MGAT4C: variants seen among roughly 807,000 people sequenced by gnomAD.
MGAT4C encodes alpha-1,3-mannosyl-glycoprotein 4-beta-N-acetylglucosaminyltransferase C.
A neutral mutation model predicts 40.1 loss-of-function variants in MGAT4C; 19 were observed. That is an observed-to-expected ratio of 0.47 (90% confidence interval 0.33 to 0.70). The LOEUF is 0.70. MGAT4C is among the 30% of genes least tolerant of loss of function. The probability of loss-of-function intolerance (pLI) is 0.02; values close to 1 mark genes in which losing one functional copy is unlikely to be tolerated. For missense variants in MGAT4C, 491 were observed against 563.2 expected, an observed-to-expected ratio of 0.87 and a Z score of 1.30; for synonymous variants, 181 against 187.1, an observed-to-expected ratio of 0.97 and a Z score of 0.27.
intron 2 of MGAT4C, among the ~76,000 whole-genome samples, chr12:86,532,331 A>G (rs1182242890): frequency 6.6e-6 from 1 of 152,006 alleles, no homozygotes; most frequent in East Asian, 1.9e-4. Flanking sequence ...ATCTAAGAAA[A>G]ATGAATTCAA....
intron 1 of MGAT4C, among the ~76,000 whole-genome samples, chr12:86,079,203 C>A (rs1339170899): frequency 6.6e-6 from 1 of 152,016 alleles, no homozygotes; most frequent in Admixed American, 6.6e-5. Flanking sequence ...GTAGTCAAAT[C>A]CTGGCATAGA....
chr12:86,604,313 C>T (rs149169102), intron 2 of MGAT4C, among the ~76,000 whole-genome samples: 1 of 152,068 alleles, frequency 6.6e-6, no homozygotes, highest in African/African-American at 2.4e-5. Flanking sequence ...CTAAAATTCT[C>T]AGGAAGGATG....
rs7132796 is a variant in MGAT4C, at chr12:86,572,464, T to C, written c.-228-137199A>G. Among the ~76,000 whole-genome samples, 963 of 152,188 alleles carry C rather than the reference T, an allele frequency of 6.3e-3. 10 individuals carry two copies. The highest frequency in any genetic ancestry group is 0.022 in the African/African-American group (919 of 41,542). On this transcript the variant is annotated intron_variant, in intron 2 of 7. Transcript: ENST00000548651. ...ACATAACCCTGATTTTATCACTCCA[T>C]TGCTAAAAATCTTTTAAGGATGCTA...
chr12:86,018,499 A>G (rs1889320937), intron 2 of MGAT4C, among the ~76,000 whole-genome samples: 1 of 152,154 alleles, frequency 6.6e-6, no homozygotes, highest in Non-Finnish European at 1.5e-5. Context: ...GTTTTGTGGA[A>G]GGCTGCATAT....
intron 2 of MGAT4C, among the ~76,000 whole-genome samples, chr12:86,509,201 G>A (rs1232176764): frequency 1.4e-4 from 21 of 152,156 alleles, no homozygotes; most frequent in East Asian, 7.7e-4. Context: ...GAGGTCTAAC[G>A]TTTAAGTCTT....
At chr12:86,792,481 T>C (rs1278340778) in intron 1 of MGAT4C, among the ~76,000 whole-genome samples, 1 of 152,118 alleles carries the variant, frequency 6.6e-6, no homozygotes, top group Non-Finnish European at 1.5e-5. Flanking sequence ...CCAGCTAACA[T>C]ATACTCCTAG....
chr12:86,223,415 C>T (rs1033450785), intron 1 of MGAT4C, among the ~76,000 whole-genome samples: 6 of 152,154 alleles, frequency 3.9e-5, no homozygotes, highest in Non-Finnish European at 2.9e-5. Context: ...GGAGGCCAGG[C>T]ACTTTCACAC....
intron 2 of MGAT4C, among the ~76,000 whole-genome samples, chr12:86,009,852 T>G (rs1408194898): frequency 6.6e-6 from 1 of 152,216 alleles, no homozygotes; most frequent in Non-Finnish European, 1.5e-5. Flanking sequence ...CTACCTGGTT[T>G]TCTTTCCATT....
chr12:86,400,129 T>C (rs940862229), intron 3 of MGAT4C, among the ~76,000 whole-genome samples: 7 of 152,168 alleles, frequency 4.6e-5, no homozygotes, highest in East Asian at 3.9e-4. Context: ...TGCTGCAGAA[T>C]TGACTGCATG....
At chr12:86,207,383 C>A (rs4456335) in intron 1 of MGAT4C, among the ~76,000 whole-genome samples, 12,156 of 151,964 alleles carry the variant, frequency 0.08, 602 homozygotes, top group Middle Eastern at 0.22. Flanking sequence ...ATCAACCTGT[C>A]ATTTAGGTTT....
At chr12:86,479,305 A>G (rs184354246) in intron 2 of MGAT4C, among the ~76,000 whole-genome samples, 83 of 152,168 alleles carry the variant, frequency 5.5e-4, no homozygotes, top group African/African-American at 1.8e-3. Context: ...AATCAATACT[A>G]TAAAGAAATA....
chr12:86,529,925 A>C (rs944716206), intron 2 of MGAT4C, among the ~76,000 whole-genome samples: 2 of 151,996 alleles, frequency 1.3e-5, no homozygotes, highest in African/African-American at 4.8e-5. Flanking sequence ...CACATACCTT[A>C]AATTATCTCC....
At chr12:86,143,733 G>A (rs748325918) in intron 1 of MGAT4C, among the ~76,000 whole-genome samples, 9 of 152,224 alleles carry the variant, frequency 5.9e-5, no homozygotes, top group Non-Finnish European at 1.3e-4. Context: ...AAACTTGAGT[G>A]GCAGAAATTA....
At chr12:86,599,184 G>C (rs966637370) in intron 2 of MGAT4C, among the ~76,000 whole-genome samples, 2 of 152,006 alleles carry the variant, frequency 1.3e-5, no homozygotes, top group Admixed American at 6.6e-5. Context: ...AAAACCCATA[G>C]AGCCTGTAAG....
At chr12:86,619,327 C>G (rs1962564534) in intron 2 of MGAT4C, among the ~76,000 whole-genome samples, 1 of 152,050 alleles carries the variant, frequency 6.6e-6, no homozygotes, top group Admixed American at 6.6e-5. Context: ...ATGTCATTCT[C>G]TCATAGTATC....
At chr12:86,803,251 T>C (rs1593221805) in intron 1 of MGAT4C, among the ~76,000 whole-genome samples, 1 of 150,958 alleles carries the variant, frequency 6.6e-6, no homozygotes, top group Non-Finnish European at 1.5e-5. Context: ...TTACACCTTA[T>C]ACAAAAATCA....
At chr12:86,767,224 A>G (rs1230043055) in intron 1 of MGAT4C, among the ~76,000 whole-genome samples, 2 of 152,360 alleles carry the variant, frequency 1.3e-5, no homozygotes, top group African/African-American at 4.8e-5. Context: ...CCATCAGAGA[A>G]TACTACAAAC....
At chr12:86,601,289 C>T (rs1299354116) in intron 2 of MGAT4C, 1 of 152,102 alleles carries the variant, frequency 6.6e-6, no homozygotes, top group Admixed American at 6.5e-5. Context: ...GAGACCACAA[C>T]CGGGAGTGAG....
intron 1 of MGAT4C, among the ~76,000 whole-genome samples, chr12:86,771,031 C>T (rs1403380967): frequency 2.0e-5 from 3 of 151,930 alleles, no homozygotes; most frequent in Non-Finnish European, 2.9e-5. Flanking sequence ...AGGGTGAGTC[C>T]TAATTCAATA....
Sources: allele counts gnomAD v4.1 joint callset (sites outside exome capture counted in the v4.1 genomes callset), GRCh38; gene constraint gnomAD v4.1.1; transcripts MANE v1.5; gene names NCBI Gene and HGNC (gene_info 2026-07-23, HGNC 2026-07-21).